JAK3: variants seen among roughly 807,000 people sequenced by gnomAD.
The protein encoded by JAK3 is tyrosine-protein kinase JAK3.
A neutral mutation model predicts 120.8 loss-of-function variants in JAK3; 88 were observed. The ratio of observed to expected loss-of-function variants is 0.73; its 90% CI spans 0.61 to 0.87. The LOEUF is 0.87. JAK3 is among the 40% of genes least tolerant of loss of function. The pLI is 0.00. For synonymous variants in JAK3, 592 were observed against 628.6 expected (o/e 0.94, Z 0.87); for missense variants, 1,254 against 1,501.4 (o/e 0.84, Z 2.72).
At position 17,838,422 on chromosome 19, in the gene JAK3, A is replaced by G. The variant is rs200389256; in HGVS notation, c.1442-32T>C. The G allele has an allele frequency of 1.4e-5, 23 of 1,613,850 alleles. No individual in the cohort carries two copies. The African/African-American group carries it at 2.5e-4, about 18-fold the overall frequency. On this transcript the variant is annotated intron_variant, in intron 10 of 23. Transcript: ENST00000458235. Reference sequence around the variant, plus strand: ...GGAGAGGATGAGGGAGAAAAACCAGAAATCAGAGGTGAAAAGTCCCCAAGG... The same window carrying G: ...GGAGAGGATGAGGGAGAAAAACCAGGAATCAGAGGTGAAAAGTCCCCAAGG...
Position 17,832,741 on chromosome 19 carries a change from T to C in JAK3, c.2491-33A>G. 6.2e-7 allele frequency: 1 copy of C among 1,614,204 alleles called. No homozygotes were observed. The highest frequency in any genetic ancestry group is 8.5e-7 in the Non-Finnish European group (1 of 1,180,016). ...ATAGCGGGACTGATGTCCAGGCACC[T>C]GGATGCTGCCCTGCCCTCTCCAACC... is the stretch of plus-strand genomic sequence containing the variant. On this transcript the variant is annotated intron_variant, in intron 18 of 23. Coordinates refer to ENST00000458235, the MANE Select transcript of JAK3 (RefSeq NM_000215.4). This position sits in a 1 kb window ranked among gnomAD's most constrained non-coding sequence, Gnocchi z 4.7.
At chr19:17,833,360 G>A (rs2094217902) in intron 17 of JAK3, among the ~76,000 whole-genome samples, 1 of 152,080 alleles carries the variant, frequency 6.6e-6, no homozygotes, top group Admixed American at 6.6e-5. Flanking sequence ...CCTGAGGTGA[G>A]TGCAGCCACT....
At chr19:17,839,375 A>G in intron 10 of JAK3, 102 bp downstream of exon 10, 1 of 1,087,188 alleles carries the variant, frequency 9.2e-7, no homozygotes, top group Non-Finnish European at 1.4e-6. Flanking sequence ...ACCCACCTTG[A>G]CCTGCAGTTT....
rs769243134 is a variant in JAK3 at position 17,841,411 on chromosome 19, C to G, written c.1120G>C (p.Glu374Gln). The G allele has an allele frequency of 3.2e-6, 5 of 1,552,020 alleles. No individual in the cohort carries two copies. The Admixed American group carries it at 7.8e-5, about 24-fold the overall frequency. ...TACGTGATGGGGCCGTGGCACTGCT[C>G]GGCCACTTCCTCCAGCAGCCTCGGC... ...APPRLLEEVAEQCHGPITLDF... is the reference protein window; with the variant it reads ...APPRLLEEVAQQCHGPITLDF... Residue 374 changes from glutamate (E) to glutamine (Q), a missense_variant, in exon 8 of 24, where the codon GAG becomes CAG. Physicochemically the swap from Glu to Gln is conservative, Grantham distance 29 (BLOSUM62 2). Around this residue, in one of 3 missense-constraint regions of JAK3, gnomAD observed 486 missense variants for 503.0 expected, o/e 0.97. Coordinates refer to ENST00000458235, the MANE Select transcript of JAK3 (RefSeq NM_000215.4). This position sits in a 1 kb window ranked among gnomAD's most constrained non-coding sequence, Gnocchi z 4.1.
At position 17,838,255 on chromosome 19, in the gene JAK3, C is replaced by T. The variant is rs761955950; in HGVS notation, c.1569+8G>A. The T allele has an allele frequency of 1.2e-6, 2 of 1,614,014 alleles. No individual in the cohort carries two copies. The highest frequency in any genetic ancestry group is 1.7e-6 in the Non-Finnish European group (2 of 1,180,022). On this transcript the variant is annotated splice_region_variant and intron_variant, in intron 11 of 23. Coordinates refer to ENST00000458235, the MANE Select transcript of JAK3 (RefSeq NM_000215.4). ...TGAGGTATCGCCTCATTTCCCAGGG[C>T]CTCTTACCCACTCCAGGCTGTCAGC...
Position 17,835,114 on chromosome 19 carries a change from A to C in JAK3, c.2016T>G (p.Pro672=), listed in dbSNP as rs200250579. Reference sequence around the variant, plus strand: ...GGCTTAACACAGCGGGGCTGACCCCAGGGTCACTCAGCTTGATGAAGGGCG... The same window carrying C: ...GGCTTAACACAGCGGGGCTGACCCCCGGGTCACTCAGCTTGATGAAGGGCG... ...GSPPFIKLSD[P]GVSPAVLSLE... Residue 672 remains proline, a synonymous_variant, in exon 15 of 24, where the codon CCT becomes CCG. Transcript: ENST00000458235. 1 of 1,614,054 alleles carries C rather than the reference A, an allele frequency of 6.2e-7. No homozygotes were observed. The highest frequency in any genetic ancestry group is 2.2e-5 in the East Asian group (1 of 44,876).
In JAK3 at chr19:17,834,215, G is replaced by A. The variant is rs2094219688; in HGVS notation, c.2350+356C>T. Among the ~76,000 whole-genome samples the A allele has an allele frequency of 3.3e-5, 5 of 151,962 alleles. No individual in the cohort carries two copies. The South Asian group carries it at 8.3e-4, about 25-fold the overall frequency. ...ATACAAAAATTAGCTGGGCGTGGTG[G>A]CACACACTGTAATCCCAGCTACTCA... On this transcript the variant is annotated intron_variant, in intron 17 of 23. Coordinates refer to ENST00000458235, the MANE Select transcript of JAK3 (RefSeq NM_000215.4).
chr19:17,829,379 G>A (rs2094209631), intron 23 of JAK3, among the ~76,000 whole-genome samples: 1 of 152,096 alleles, frequency 6.6e-6, no homozygotes, highest in African/African-American at 2.4e-5. Flanking sequence ...GGCTAGTCTC[G>A]AACTCCTGAC....
Position 17,843,521 on chromosome 19 carries a change from A to G in JAK3, c.309-30T>C. ...GAGGAGAGGAGAGAACCCTGGGATG[A>G]AAGTGCAACCCAGCCTCAGTAGGAG... On this transcript the variant is annotated intron_variant, in intron 3 of 23. Coordinates refer to ENST00000458235, the MANE Select transcript of JAK3 (RefSeq NM_000215.4). This position sits in a 1 kb window ranked among gnomAD's most constrained non-coding sequence, Gnocchi z 5.4. 1 of 1,485,400 alleles carries G rather than the reference A, an allele frequency of 6.7e-7. No individual in the cohort carries two copies. The highest frequency in any genetic ancestry group is 9.3e-7 in the Non-Finnish European group (1 of 1,079,570). 92.0% of individuals were successfully genotyped at this position (1,485,400 alleles called of 1,614,324 possible).
Position 17,834,642 on chromosome 19 carries a change from A to G in JAK3, c.2279T>C (p.Met760Thr), listed in dbSNP as rs1297428679. Residue 760 changes from methionine (M) to threonine (T), a missense_variant, in exon 17 of 24, where the codon ATG becomes ACG. Met to Thr is a moderately conservative substitution (Grantham distance 81, BLOSUM62 -1). Transcript: ENST00000458235. ...TELALLIQQC[M>T]AYEPVQRPSF... is the part of the protein sequence containing the mutation. ...GGGCCTCTGGACCGGCTCATAGGCCATGCACTGTTGAATCAGCAGGGCCAG... is the reference window on the plus strand; with the variant it reads ...GGGCCTCTGGACCGGCTCATAGGCCGTGCACTGTTGAATCAGCAGGGCCAG... 1.2e-6 allele frequency: 2 copies of G among 1,606,212 alleles called. No homozygotes were observed. The highest frequency in any genetic ancestry group is 1.7e-6 in the Non-Finnish European group (2 of 1,175,678).
intron 12 of JAK3, 94 bp from the exon 13 acceptor site, chr19:17,837,307 C>T (rs2094226660): frequency 2.1e-6 from 2 of 940,264 alleles, no homozygotes; most frequent in Non-Finnish European, 3.4e-6. Context: ...AGGGGAACAC[C>T]TGGCCACAGG....
rs900729066 is a variant in JAK3, at chr19:17,826,990, G to GT, written c.3208-81dup. ...ACTCCCATTCAGCGTATTTGTTTTTGTTTTTTTGAGACGGAGTCTAGCTCT... is the reference window on the plus strand; with the variant it reads ...ACTCCCATTCAGCGTATTTGTTTTTGTTTTTTTTGAGACGGAGTCTAGCTCT... On this transcript the variant is annotated intron_variant, in intron 23 of 23. Transcript: ENST00000458235. 5.5e-5 allele frequency: 83 copies of GT among 1,496,320 alleles called. No homozygotes were observed. The Middle Eastern group carries it at 6.9e-4, about 13-fold the overall frequency. 92.7% of individuals were successfully genotyped at this position (1,496,320 alleles called of 1,614,324 possible).
chr19:17,847,639 CCCCAATCCCTCCTT>C (rs1238392136), intron 1 of JAK3, among the ~76,000 whole-genome samples: 29 of 152,288 alleles, frequency 1.9e-4, no homozygotes, highest in African/African-American at 4.8e-4. Flanking sequence ...GAACTCCGCC[CCCCAATCCCTCCTT>C]CCCAATCCCT....
intron 23 of JAK3, among the ~76,000 whole-genome samples, chr19:17,828,054 C>T (rs2094207331): frequency 6.6e-6 from 1 of 152,084 alleles, no homozygotes; most frequent in African/African-American, 2.4e-5. Flanking sequence ...TCCCCAAGGC[C>T]TTTTTCCCTT....
At chr19:17,846,959 A>G (rs919106429) in intron 1 of JAK3, among the ~76,000 whole-genome samples, 4 of 151,894 alleles carry the variant, frequency 2.6e-5, no homozygotes, top group African/African-American at 9.7e-5. Context: ...GTGCAGTGGC[A>G]TGATCTCGGC....
Position 17,826,546 on chromosome 19 carries a change from G to T in JAK3, c.*197C>A. ...GCCCCACTGACACATATGCCCATCTGTCTTGAACCTTAACAAATTGCAAAG... is the reference window on the plus strand; with the variant it reads ...GCCCCACTGACACATATGCCCATCTTTCTTGAACCTTAACAAATTGCAAAG... On this transcript the variant is annotated 3_prime_UTR_variant, in exon 24 of 24. Transcript: ENST00000458235. The T allele has an allele frequency of 1.5e-6, 1 of 654,772 alleles. No homozygotes were observed. Among genetic ancestry groups the T allele is most frequent in the Non-Finnish European group, 2.8e-6 (1 of 362,148 alleles). 40.6% of individuals were successfully genotyped at this position (654,772 alleles called of 1,614,324 possible).
At position 17,832,885 on chromosome 19, in the gene JAK3, G is replaced by C. The variant is rs201241352; in HGVS notation, c.2395C>G (p.Arg799Gly). Residue 799 changes from arginine (R) to glycine (G), a missense_variant, in exon 18 of 24, where the codon CGT (arginine) becomes GGT (glycine). Transcript: ENST00000458235. This position sits in a 1 kb window ranked among gnomAD's most constrained non-coding sequence, Gnocchi z 4.7. The part of the protein sequence containing the change: ...SDPTPGALAP[R>G]DGLWNGAQLY... ...TGGGCACCATTCCACAGCCCATCAC[G>C]AGGTGCCAGGGCACCAGGTGTGGGG... The C allele has an allele frequency of 1.9e-6, 3 of 1,614,216 alleles. No individual in the cohort carries two copies. The highest frequency in any genetic ancestry group is 2.5e-6 in the Non-Finnish European group (3 of 1,180,040).
At position 17,838,070 on chromosome 19, in the gene JAK3, G is replaced by A; in HGVS notation, c.1570-7C>T. The A allele has an allele frequency of 6.2e-7, 1 of 1,614,130 alleles. No homozygotes were observed. Among genetic ancestry groups the A allele is most frequent in the Non-Finnish European group, 8.5e-7 (1 of 1,180,044 alleles). ...CATGGCCCAGGTTCTCATGCTGAAT[G>A]GTGAGGGGACAGCAGAAGAGGCCAG... On this transcript the variant is annotated splice_polypyrimidine_tract_variant and splice_region_variant and intron_variant, in intron 11 of 23. Transcript: ENST00000458235.
At chr19:17,845,324 C>CGTGG (rs1200184436) in intron 1 of JAK3, among the ~76,000 whole-genome samples, 3 of 151,896 alleles carry the variant, frequency 2.0e-5, no homozygotes, top group African/African-American at 4.8e-5. Flanking sequence ...GGCACCACCA[C>CGTGG]GCCCAGCTAA....
Sources: allele counts gnomAD v4.1 joint callset (sites outside exome capture counted in the v4.1 genomes callset), GRCh38; gene constraint gnomAD v4.1.1; regional missense constraint gnomAD v4.1.1; non-coding constraint Gnocchi (gnomAD v3.1); transcripts MANE v1.5; gene names NCBI Gene and HGNC (gene_info 2026-07-23, HGNC 2026-07-21).